Variants in EYA1 observed in about 807,000 individuals in gnomAD.
The protein encoded by EYA1 is EYA transcriptional coactivator and phosphatase 1.
A neutral mutation model predicts 82.0 loss-of-function variants in EYA1; 16 were observed. The observed-to-expected ratio is 0.20, with a 90% CI of 0.13 to 0.30. The LOEUF (loss-of-function observed/expected upper bound fraction) is 0.30. EYA1 is among the 10% of genes least tolerant of loss of function. The pLI, the probability that EYA1 is intolerant of heterozygous loss-of-function variation, is 1.00. For synonymous variants in EYA1, 261 were observed against 264.4 expected, an observed-to-expected ratio of 0.99 and a Z score of 0.12; for missense variants, 633 against 730.7, an observed-to-expected ratio of 0.87 and a Z score of 1.54.
At chr8:71,533,711 A>G (rs1814479615) in intron 2 of EYA1, among the ~76,000 whole-genome samples, 3 of 152,190 alleles carry the variant, frequency 2.0e-5, no homozygotes, top group South Asian at 2.1e-4. Context: ...AGGAAGCCCG[A>G]GGAGCTCACC....
At chr8:71,259,528 A>C (rs1251438550) in intron 11 of EYA1, among the ~76,000 whole-genome samples, 1 of 152,214 alleles carries the variant, frequency 6.6e-6, no homozygotes, top group African/African-American at 2.4e-5. Context: ...GTTGAACTAA[A>C]ATGATCAGAA....
intron 2 of EYA1, among the ~76,000 whole-genome samples, chr8:71,494,329 A>C (rs1811253381): frequency 6.6e-6 from 1 of 152,174 alleles, no homozygotes; most frequent in Non-Finnish European, 1.5e-5. Flanking sequence ...AATTCACTTA[A>C]GAGTTCCAGT....
intron 2 of EYA1, among the ~76,000 whole-genome samples, chr8:71,428,936 T>A (rs1357768673): frequency 1.3e-5 from 2 of 152,130 alleles, no homozygotes; most frequent in Non-Finnish European, 2.9e-5. Context: ...ATTATTCAAG[T>A]AGGCTTCATT....
intron 17 of EYA1, among the ~76,000 whole-genome samples, chr8:71,210,515 A>G (rs946088536): frequency 1.3e-5 from 2 of 152,164 alleles, no homozygotes; most frequent in African/African-American, 2.4e-5. Flanking sequence ...TAAAAATGCA[A>G]TGAGAGGCCC....
chr8:71,223,109 G>A (rs28475497), intron 12 of EYA1, among the ~76,000 whole-genome samples: 2,364 of 152,312 alleles, frequency 0.016, 64 homozygotes, highest in African/African-American at 0.054. Flanking sequence ...TCTGCCAGGC[G>A]TGGAGGGTAG....
intron 2 of EYA1, among the ~76,000 whole-genome samples, chr8:71,497,864 G>A (rs1001926101): frequency 6.6e-6 from 1 of 152,044 alleles, no homozygotes; most frequent in Non-Finnish European, 1.5e-5. Context: ...ATATATAATG[G>A]AATACTACTC....
At chr8:71,199,453 G>C (rs1424657673) in intron 17 of EYA1, 33 bp from the exon 18 acceptor site, 3 of 1,538,600 alleles carry the variant, frequency 1.9e-6, no homozygotes, top group Non-Finnish European at 2.7e-6. Flanking sequence ...TGTGAGGACA[G>C]AGCACCCAGC....
At chr8:71,419,859 AT>A (rs1831051304) in intron 2 of EYA1, among the ~76,000 whole-genome samples, 1 of 152,124 alleles carries the variant, frequency 6.6e-6, no homozygotes, top group Non-Finnish European at 1.5e-5. Flanking sequence ...CTATATTAAG[AT>A]TTTTAAAAAC....
At chr8:71,396,419 G>A (rs1031627456) in intron 2 of EYA1, among the ~76,000 whole-genome samples, 6 of 152,078 alleles carry the variant, frequency 3.9e-5, no homozygotes, top group African/African-American at 1.2e-4. Flanking sequence ...GCTTTCTCTT[G>A]TGGGCATTTA....
At chr8:71,357,863 C>T (rs751106756) in intron 1 of EYA1, among the ~76,000 whole-genome samples, 3 of 152,098 alleles carry the variant, frequency 2.0e-5, no homozygotes, top group African/African-American at 7.2e-5. Context: ...TGTGTCATTC[C>T]GTGATAACAA....
intron 12 of EYA1, among the ~76,000 whole-genome samples, chr8:71,220,442 C>T (rs1025613652): frequency 1.1e-4 from 16 of 152,048 alleles, no homozygotes; most frequent in Non-Finnish European, 2.4e-4. Flanking sequence ...TGGCCTGGGA[C>T]CTCAGAGAAG....
intron 11 of EYA1, among the ~76,000 whole-genome samples, chr8:71,249,918 C>T (rs1395524083): frequency 1.3e-5 from 2 of 152,170 alleles, no homozygotes; most frequent in Non-Finnish European, 2.9e-5. Context: ...CAACCCAGAC[C>T]TTGGCATTTT....
chr8:71,330,440 G>A (rs573395967), intron 4 of EYA1, among the ~76,000 whole-genome samples: 11 of 152,216 alleles, frequency 7.2e-5, no homozygotes, highest in East Asian at 1.9e-4. Flanking sequence ...TGTGTCAGCT[G>A]TATGAAACCA....
intron 2 of EYA1, among the ~76,000 whole-genome samples, chr8:71,480,257 G>T (rs1237864627): frequency 6.6e-6 from 1 of 152,134 alleles, no homozygotes; most frequent in Non-Finnish European, 1.5e-5. Flanking sequence ...CAACAGAAAA[G>T]ACTTCATTAT....
intron 2 of EYA1, among the ~76,000 whole-genome samples, chr8:71,373,222 G>T (rs1232650847): frequency 6.6e-6 from 1 of 152,060 alleles, no homozygotes; most frequent in Non-Finnish European, 1.5e-5. Context: ...GTGATATGAT[G>T]CTATATGTAG....
chr8:71,521,378 AT>A (rs1398351348), intron 2 of EYA1, among the ~76,000 whole-genome samples: 2 of 152,140 alleles, frequency 1.3e-5, no homozygotes, highest in Non-Finnish European at 2.9e-5. Flanking sequence ...TCATAGTCTA[AT>A]TGTTTTGAAA....
chr8:71,362,146 CGG>C (rs1400298430), upstream of EYA1: 1 of 538,098 alleles, frequency 1.9e-6, no homozygotes, highest in Non-Finnish European at 2.3e-6. Context: ...CATGGAGCCT[CGG>C]GGCTTTCTTT....
At chr8:71,401,429 T>C (rs1284773788) in intron 2 of EYA1, among the ~76,000 whole-genome samples, 1 of 152,244 alleles carries the variant, frequency 6.6e-6, no homozygotes, top group Non-Finnish European at 1.5e-5. Context: ...CTGTTTACTT[T>C]GTTAGTTTCT....
chr8:71,215,771 A>T (rs760666558), intron 14 of EYA1, 43 bp from the exon 15 acceptor site: 21 of 1,341,894 alleles, frequency 1.6e-5, no homozygotes, highest in Non-Finnish European at 2.1e-5. Context: ...CCTGACCAAC[A>T]TATTTCTTCG....
Sources: gnomAD v4.1 joint callset for allele counts (sites outside exome capture counted in the v4.1 genomes callset) on GRCh38, gnomAD v4.1.1 for gene constraint, MANE v1.5 for transcripts, NCBI Gene and HGNC (gene_info 2026-07-23, HGNC 2026-07-21) for gene names.